Variants in ARK2N observed in about 807,000 individuals in gnomAD.
ARK2N encodes arkadia (RNF111) N-terminal like PKA signaling regulator 2N, also known as protein ARK2N.
At chr18:46,186,242 C>A in the ARK2N span, among the ~76,000 whole-genome samples, 1 of 151,036 alleles carries the variant, frequency 6.6e-6, no homozygotes, top group Non-Finnish European at 1.5e-5. Context: ...TGTCGCCAGG[C>A]TGGAGTGCAG....
chr18:46,175,577 CAA>C, the ARK2N span, among the ~76,000 whole-genome samples: 3 of 79,324 alleles, frequency 3.8e-5, no homozygotes, highest in Non-Finnish European at 8.5e-5. Context: ...AGTCTCAGGA[CAA>C]AAAAAAAAAA....
the ARK2N span, among the ~76,000 whole-genome samples, chr18:46,190,088 C>G: frequency 6.6e-6 from 1 of 152,006 alleles, no homozygotes; most frequent in Admixed American, 6.6e-5. Flanking sequence ...TCTTAGAAAT[C>G]AGGATTATAC....
chr18:46,212,057 G>A, the ARK2N span, among the ~76,000 whole-genome samples: 1 of 152,112 alleles, frequency 6.6e-6, no homozygotes, highest in Non-Finnish European at 1.5e-5. Flanking sequence ...TTCCACTGAA[G>A]GGAGTTTAGT....
At chr18:46,214,754 A>G in the ARK2N span, among the ~76,000 whole-genome samples, 6 of 152,182 alleles carry the variant, frequency 3.9e-5, no homozygotes, top group Non-Finnish European at 5.9e-5. Flanking sequence ...CCCTTTATTC[A>G]TTCATAGAAT....
chr18:46,247,730 T>A, the ARK2N span, among the ~76,000 whole-genome samples: 4 of 152,200 alleles, frequency 2.6e-5, no homozygotes, highest in Non-Finnish European at 1.5e-5. Flanking sequence ...TGGAGTGCAG[T>A]GGTATAATTC....
At chr18:46,221,053 T>C in the ARK2N span, among the ~76,000 whole-genome samples, 3 of 152,098 alleles carry the variant, frequency 2.0e-5, no homozygotes, top group African/African-American at 7.2e-5. Flanking sequence ...GGAGGATTGC[T>C]TGAGCCCAGG....
At chr18:46,257,921 A>C in the ARK2N span, among the ~76,000 whole-genome samples, 1 of 119,784 alleles carries the variant, frequency 8.3e-6, no homozygotes, top group Non-Finnish European at 1.7e-5. Context: ...TCATAGGACC[A>C]GTTGCTAATT....
At chr18:46,176,603 C>T in the ARK2N span, among the ~76,000 whole-genome samples, 21 of 151,656 alleles carry the variant, frequency 1.4e-4, no homozygotes, top group African/African-American at 2.9e-4. Context: ...CACAGGCTCA[C>T]GCCACCACAC....
the ARK2N span, among the ~76,000 whole-genome samples, chr18:46,200,742 T>C: frequency 6.6e-6 from 1 of 152,184 alleles, no homozygotes; most frequent in Non-Finnish European, 1.5e-5. Context: ...GGATGTTTTT[T>C]AGCATTTGTT....
At chr18:46,183,862 C>T in the ARK2N span, among the ~76,000 whole-genome samples, 178 of 152,202 alleles carry the variant, frequency 1.2e-3, 2 homozygotes, top group African/African-American at 3.6e-4. Context: ...CTTGCTCTGT[C>T]GCCCAGGCTG....
the ARK2N span, among the ~76,000 whole-genome samples, chr18:46,186,520 T>C: frequency 6.8e-6 from 1 of 146,952 alleles, no homozygotes; most frequent in Admixed American, 6.8e-5. Context: ...TTTTTTTTTT[T>C]TTGAGACGGA....
At chr18:46,219,963 A>G in the ARK2N span, among the ~76,000 whole-genome samples, 1 of 152,262 alleles carries the variant, frequency 6.6e-6, no homozygotes, top group South Asian at 2.1e-4. Context: ...ATTCAGTTTG[A>G]AAAAGTTAAT....
At chr18:46,224,150 G>A in the ARK2N span, among the ~76,000 whole-genome samples, 1 of 152,122 alleles carries the variant, frequency 6.6e-6, no homozygotes, top group Non-Finnish European at 1.5e-5. Flanking sequence ...TGGATTATGT[G>A]TTAACAGATG....
the ARK2N span, among the ~76,000 whole-genome samples, chr18:46,233,221 T>G: frequency 6.6e-6 from 1 of 152,200 alleles, no homozygotes. Flanking sequence ...TTTGGAAAAA[T>G]AGCAAAATTT....
chr18:46,189,288 C>T, the ARK2N span, among the ~76,000 whole-genome samples: 2 of 150,242 alleles, frequency 1.3e-5, no homozygotes, highest in African/African-American at 2.5e-5. Flanking sequence ...AAGTATAGGT[C>T]AAGGCAAGGA....
chr18:46,241,202 C>T, the ARK2N span, among the ~76,000 whole-genome samples: 1 of 152,142 alleles, frequency 6.6e-6, no homozygotes, highest in African/African-American at 2.4e-5. Context: ...ATTGGAATTA[C>T]AGAAAAATCA....
chr18:46,196,300 C>T, the ARK2N span, among the ~76,000 whole-genome samples: 1 of 141,604 alleles, frequency 7.1e-6, no homozygotes, highest in Non-Finnish European at 1.5e-5. Context: ...CTCGCTCTGT[C>T]GCCCAGGATA....
At chr18:46,181,678 G>T in the ARK2N span, among the ~76,000 whole-genome samples, 1 of 152,262 alleles carries the variant, frequency 6.6e-6, no homozygotes, top group Admixed American at 6.5e-5. Flanking sequence ...TCGCGCCACT[G>T]CACTCCAGCC....
the ARK2N span, among the ~76,000 whole-genome samples, chr18:46,207,997 C>G: frequency 6.6e-6 from 1 of 152,130 alleles, no homozygotes; most frequent in Non-Finnish European, 1.5e-5. Context: ...ACTTGTTGGG[C>G]AAAACTAAAA....
Sources: allele counts gnomAD v4.1 joint callset (sites outside exome capture counted in the v4.1 genomes callset), GRCh38; gene constraint gnomAD v4.1.1; transcripts MANE v1.5; gene names NCBI Gene and HGNC (gene_info 2026-07-23, HGNC 2026-07-21).